KHDC1: variants seen among roughly 807,000 people sequenced by gnomAD.
KHDC1 encodes the protein KH domain containing 1, also known as KH homology domain-containing protein 1.
A neutral mutation model predicts 24.7 loss-of-function variants in KHDC1; 21 were observed. The observed-to-expected ratio is 0.85, with a 90% CI of 0.60 to 1.23. The LOEUF (loss-of-function observed/expected upper bound fraction) is 1.23, where lower values mean the gene tolerates loss of function less well. Among genes scored for constraint, KHDC1 ranks in the 50% most tolerant of loss-of-function variants. The probability of loss-of-function intolerance (pLI) is 0.00; values close to 1 mark genes in which losing one functional copy is unlikely to be tolerated. For missense variants in KHDC1, 274 were observed against 298.5 expected (o/e 0.92, Z 0.61); for synonymous variants, 98 against 111.7 (o/e 0.88, Z 0.77).
chr6:73,278,017 T>TG (rs1767331905), intron 2 of KHDC1, among the ~76,000 whole-genome samples: 1 of 144,764 alleles, frequency 6.9e-6, no homozygotes, highest in African/African-American at 2.6e-5. Flanking sequence ...GTGTTTTTTT[T>TG]TTTTTTTTTT....
chr6:73,279,448 C>T (rs559260216), intron 2 of KHDC1, among the ~76,000 whole-genome samples: 1 of 152,074 alleles, frequency 6.6e-6, no homozygotes, highest in South Asian at 2.1e-4. Flanking sequence ...GGACATTTGA[C>T]TGTATATAAA....
chr6:73,273,633 G>A (rs1582569329), intron 2 of KHDC1, among the ~76,000 whole-genome samples: 4 of 151,014 alleles, frequency 2.6e-5, no homozygotes, highest in Admixed American at 1.3e-4. Flanking sequence ...TGGCTAACAC[G>A]GTGAAACCCC....
intron 1 of KHDC1, among the ~76,000 whole-genome samples, chr6:73,305,220 T>G (rs1767941111): frequency 6.6e-6 from 1 of 151,776 alleles, no homozygotes; most frequent in Admixed American, 6.6e-5. Context: ...CCTGCCTAAG[T>G]GACAGAGCAA....
intron 2 of KHDC1, among the ~76,000 whole-genome samples, chr6:73,287,190 T>G (rs1767538314): frequency 6.6e-6 from 1 of 152,144 alleles, no homozygotes; most frequent in African/African-American, 2.4e-5. Flanking sequence ...CACTGCTAAG[T>G]TCAGTAGTGG....
intron 2 of KHDC1, among the ~76,000 whole-genome samples, chr6:73,279,454 A>G (rs1231844684): frequency 1.3e-5 from 2 of 152,122 alleles, no homozygotes; most frequent in Non-Finnish European, 2.9e-5. Context: ...TTGACTGTAT[A>G]TAAATCTCTC....
intron 2 of KHDC1, chr6:73,291,173 G>A (rs1346348067): frequency 6.1e-6 from 3 of 490,666 alleles, no homozygotes; most frequent in Non-Finnish European, 1.2e-5. Context: ...GTTCCCTACT[G>A]AAGATTGGAG....
chr6:73,308,535 G>T (rs992828280), intron 1 of KHDC1, among the ~76,000 whole-genome samples: 1 of 150,274 alleles, frequency 6.7e-6, no homozygotes, highest in African/African-American at 2.4e-5. Flanking sequence ...TTTGGACAGG[G>T]TCTCACTCCG....
chr6:73,280,206 G>A (rs372662981), intron 2 of KHDC1, among the ~76,000 whole-genome samples: 11 of 151,880 alleles, frequency 7.2e-5, no homozygotes, highest in African/African-American at 2.2e-4. Context: ...ACCCAGGTTG[G>A]AGTGCAATGG....
At chr6:73,274,544 G>A (rs45491600) in intron 2 of KHDC1, 11,588 of 152,220 alleles carry the variant, frequency 0.076, 499 homozygotes, top group Non-Finnish European at 0.091. Flanking sequence ...CCCCCATGCT[G>A]TTCTCGTGAT....
chr6:73,296,461 T>A (rs1207258678), intron 1 of KHDC1, among the ~76,000 whole-genome samples: 3 of 152,028 alleles, frequency 2.0e-5, no homozygotes, highest in Non-Finnish European at 4.4e-5. Context: ...AAAAAAAAAT[T>A]AAACACACAC....
In KHDC1 at chr6:73,254,875, G is replaced by A. The variant is rs933720412; in HGVS notation, c.207-12345C>T. ...AAATTAGCTGGGTACGGTGTCAGGC[G>A]CCTTTAGTCCTAGCTACTCGGGAGG... On this transcript the variant is annotated intron_variant, in intron 2 of 4. Coordinates refer to ENST00000370384, the Ensembl canonical transcript of KHDC1. Among the ~76,000 whole-genome samples, 15 of 152,052 alleles carry A rather than the reference G, an allele frequency of 9.9e-5. No individual in the cohort carries two copies. In the East Asian group the frequency reaches 1.8e-3, roughly 18 times the overall value.
chr6:73,267,128 G>A (rs973340428), intron 2 of KHDC1, among the ~76,000 whole-genome samples: 2 of 152,192 alleles, frequency 1.3e-5, no homozygotes, highest in Non-Finnish European at 2.9e-5. Context: ...AGTCATTAGG[G>A]AAATGCAGAT....
intron 2 of KHDC1, among the ~76,000 whole-genome samples, chr6:73,283,427 T>C (rs1767452666): frequency 6.6e-6 from 1 of 152,032 alleles, no homozygotes; most frequent in South Asian, 2.1e-4. Flanking sequence ...CTTAGGTGTT[T>C]TGTTATATAG....
At chr6:73,287,171 T>C (rs1395189379) in intron 2 of KHDC1, among the ~76,000 whole-genome samples, 1 of 152,190 alleles carries the variant, frequency 6.6e-6, no homozygotes, top group African/African-American at 2.4e-5. Flanking sequence ...CTAGTGAGAA[T>C]GTCACCAACA....
At chr6:73,250,274 A>G (rs974994267) in intron 2 of KHDC1, among the ~76,000 whole-genome samples, 3 of 152,228 alleles carry the variant, frequency 2.0e-5, no homozygotes, top group Non-Finnish European at 2.9e-5. Flanking sequence ...TAAACTAATC[A>G]TGATAATCTA....
intron 1 of KHDC1, among the ~76,000 whole-genome samples, chr6:73,307,960 T>C (rs888339315): frequency 6.6e-6 from 1 of 151,920 alleles, no homozygotes; most frequent in Non-Finnish European, 1.5e-5. Context: ...AGTGCAGTAA[T>C]GGTGCAATCC....
chr6:73,267,271 G>A (rs187320947), intron 2 of KHDC1, among the ~76,000 whole-genome samples: 1,916 of 152,286 alleles, frequency 0.013, 31 homozygotes, highest in African/African-American at 0.042. Flanking sequence ...CCTAAGGTCA[G>A]GAGTTCAAGA....
intron 2 of KHDC1, among the ~76,000 whole-genome samples, chr6:73,253,643 A>C (rs2150559307): frequency 6.6e-6 from 1 of 152,304 alleles, no homozygotes; most frequent in East Asian, 1.9e-4. Context: ...TCACACCTGT[A>C]ATCCCAGCAC....
chr6:73,309,204 C>G (rs1406580074), intron 1 of KHDC1, among the ~76,000 whole-genome samples: 1 of 152,270 alleles, frequency 6.6e-6, no homozygotes, highest in African/African-American at 2.4e-5. Context: ...CCTAGGGTAT[C>G]TAAGTGACGG....
Sources: allele counts gnomAD v4.1 joint callset (sites outside exome capture counted in the v4.1 genomes callset), GRCh38; gene constraint gnomAD v4.1.1; transcripts MANE v1.5; gene names NCBI Gene and HGNC (gene_info 2026-07-23, HGNC 2026-07-21).